Variants in SUPT3H observed in about 807,000 individuals in gnomAD.
SUPT3H encodes the protein transcription initiation protein SPT3 homolog.
A neutral mutation model predicts 44.3 loss-of-function variants in SUPT3H; 44 were observed. The ratio of observed to expected loss-of-function variants is 0.99; its 90% CI spans 0.78 to 1.28. The LOEUF is 1.28. Ranked by LOEUF, SUPT3H falls within the 50% of genes most tolerant of loss-of-function variation. The pLI, the probability that SUPT3H is intolerant of heterozygous loss-of-function variation, is 0.00. For synonymous variants in SUPT3H, 124 were observed against 125.6 expected (o/e 0.99, Z 0.09); for missense variants, 380 against 387.1 (o/e 0.98, Z 0.15).
At chr6:45,292,449 A>AAT (rs1780466072) in intron 2 of SUPT3H, among the ~76,000 whole-genome samples, 1 of 152,154 alleles carries the variant, frequency 6.6e-6, no homozygotes, top group African/African-American at 2.4e-5. Flanking sequence ...GGCAACGAAT[A>AAT]CCATGGTGAA....
chr6:44,824,613 A>C (rs911481767), downstream of SUPT3H, among the ~76,000 whole-genome samples: 23 of 152,190 alleles, frequency 1.5e-4, no homozygotes, highest in Non-Finnish European at 3.4e-4. Context: ...GTTGAATTAA[A>C]GAAGCTGCTG....
chr6:44,872,548 C>T (rs560017600), intron 10 of SUPT3H, among the ~76,000 whole-genome samples: 1 of 152,138 alleles, frequency 6.6e-6, no homozygotes, highest in Non-Finnish European at 1.5e-5. Context: ...AAAATCATGA[C>T]AAAATGTAAA....
intron 10 of SUPT3H, among the ~76,000 whole-genome samples, chr6:44,877,074 T>C (rs1034367589): frequency 6.6e-6 from 1 of 152,206 alleles, no homozygotes; most frequent in Non-Finnish European, 1.5e-5. Context: ...TCTTATCCTA[T>C]GTCAAATAAT....
rs143402132 is a variant in SUPT3H at position 45,042,063 on chromosome 6, A to G, written c.187-21431T>C. ...AAAATACAGATACAGTATGGCATAGAATAAAAAACTTGAATTTAATATTAT... is the reference window on the plus strand; with the variant it reads ...AAAATACAGATACAGTATGGCATAGGATAAAAAACTTGAATTTAATATTAT... On this transcript the variant is annotated intron_variant, in intron 3 of 10. Coordinates refer to ENST00000371459, the MANE Select transcript of SUPT3H (RefSeq NM_003599.4). Among the ~76,000 whole-genome samples, 74 of 152,338 alleles carry G rather than the reference A, an allele frequency of 4.9e-4. No homozygotes were observed. In the East Asian group the frequency reaches 0.013, roughly 26 times the overall value.
chr6:45,374,034 G>A lies in SUPT3H; in HGVS notation c.-1+3734C>T, dbSNP rs552277141. Among the ~76,000 whole-genome samples, 22 of 152,262 alleles carry A rather than the reference G, an allele frequency of 1.4e-4. No homozygotes were observed. In the East Asian group the frequency reaches 2.9e-3, roughly 20 times the overall value. On this transcript the variant is annotated intron_variant, in intron 1 of 10. Transcript: ENST00000371459. ...TATAAAAATGTTTGTAAAGTAAGACGATAATTTTTAAATGTAATTCTCATT... is the reference window on the plus strand; with the variant it reads ...TATAAAAATGTTTGTAAAGTAAGACAATAATTTTTAAATGTAATTCTCATT...
chr6:45,274,505 C>T (rs1263688310), intron 2 of SUPT3H, among the ~76,000 whole-genome samples: 1 of 152,112 alleles, frequency 6.6e-6, no homozygotes, highest in East Asian at 1.9e-4. Flanking sequence ...AGAAGAGGTC[C>T]AAATTATTTC....
chr6:44,900,402 T>C (rs918346058), intron 10 of SUPT3H, among the ~76,000 whole-genome samples: 3 of 152,228 alleles, frequency 2.0e-5, no homozygotes, highest in Non-Finnish European at 4.4e-5. Flanking sequence ...GAGGGTCCTA[T>C]GCCCACGGAG....
At chr6:45,374,330 C>T (rs1796485214) in intron 1 of SUPT3H, among the ~76,000 whole-genome samples, 1 of 152,158 alleles carries the variant, frequency 6.6e-6, no homozygotes, top group African/African-American at 2.4e-5. Flanking sequence ...CTGAACTGCA[C>T]ACAACCCATC....
At chr6:45,154,002 G>A (rs1030549448) in intron 2 of SUPT3H, among the ~76,000 whole-genome samples, 23 of 147,870 alleles carry the variant, frequency 1.6e-4, no homozygotes, top group Admixed American at 4.1e-4. Context: ...CCCGGGAGGC[G>A]GAGGTTCCAG....
chr6:44,878,696 G>C (rs1777703941), intron 10 of SUPT3H, among the ~76,000 whole-genome samples: 1 of 152,104 alleles, frequency 6.6e-6, no homozygotes, highest in South Asian at 2.1e-4. Flanking sequence ...AAGAAGGCGG[G>C]TGATTTCTGC....
chr6:45,252,172 C>CTCA (rs1439282914), intron 2 of SUPT3H, among the ~76,000 whole-genome samples: 1 of 152,060 alleles, frequency 6.6e-6, no homozygotes, highest in African/African-American at 2.4e-5. Context: ...TCATTTAGCT[C>CTCA]TCATCAACAA....
Position 45,158,298 on chromosome 6 carries a change from A to ATATATATATATATATATATAATTTTTTT in SUPT3H, c.102-52293_102-52292insAAAAAAATTATATATATATATATATATA. Among the ~76,000 whole-genome samples the ATATATATATATATATATATAATTTTTTT allele has an allele frequency of 1.4e-3, 136 of 99,672 alleles. 1 individual carries two copies. Among genetic ancestry groups the ATATATATATATATATATATAATTTTTTT allele is most frequent in the Middle Eastern group, 6.2e-3 (1 of 162 alleles). 65.4% of individuals were successfully genotyped at this position (99,672 alleles called of 152,430 possible). A position where few individuals can be genotyped will look rare whatever the true frequency, so the allele number is the denominator to read the frequency against. ...TACATATATATATATATATATATAT[A>ATATATATATATATATATATAATTTTTTT]TTTTTTTTTTTTTTTTTTTGAGATG... On this transcript the variant is annotated intron_variant, in intron 2 of 10. Coordinates refer to ENST00000371459, the MANE Select transcript of SUPT3H (RefSeq NM_003599.4).
intron 3 of SUPT3H, among the ~76,000 whole-genome samples, chr6:45,057,822 G>A (rs1791366146): frequency 6.6e-6 from 1 of 152,130 alleles, no homozygotes; most frequent in African/African-American, 2.4e-5. Context: ...AAGCCACAGT[G>A]TGAGGGGGAA....
At chr6:45,168,907 AG>A (rs1810349518) in intron 2 of SUPT3H, among the ~76,000 whole-genome samples, 2 of 152,238 alleles carry the variant, frequency 1.3e-5, no homozygotes, top group Non-Finnish European at 2.9e-5. Flanking sequence ...AAAATCAGCC[AG>A]GAAGTTGTCA....
intron 11 of SUPT3H, among the ~76,000 whole-genome samples, chr6:44,810,387 T>C (rs955703555): frequency 3.9e-5 from 6 of 152,170 alleles, no homozygotes; most frequent in African/African-American, 1.4e-4. Flanking sequence ...ATTTCTTTCT[T>C]ACTTTAATAT....
chr6:45,050,445 G>C (rs1366838985), intron 3 of SUPT3H, among the ~76,000 whole-genome samples: 1 of 111,678 alleles, frequency 9.0e-6, no homozygotes, highest in African/African-American at 3.4e-5. Flanking sequence ...GCATTGAAAG[G>C]CAAAGAAAAA....
intron 3 of SUPT3H, among the ~76,000 whole-genome samples, chr6:45,037,958 A>AT (rs749491043): frequency 2.5e-4 from 38 of 152,128 alleles, no homozygotes; most frequent in Non-Finnish European, 5.1e-4. Context: ...CTTTTAAACT[A>AT]TCTCTTCAAG....
chr6:44,905,943 CAT>C (rs1391145234), intron 10 of SUPT3H, among the ~76,000 whole-genome samples: 1 of 152,046 alleles, frequency 6.6e-6, no homozygotes, highest in Non-Finnish European at 1.5e-5. Flanking sequence ...CCAAACACCA[CAT>C]GTTCTCACTC....
chr6:45,134,288 A>C (rs1285007), intron 2 of SUPT3H, among the ~76,000 whole-genome samples: 130,126 of 152,124 alleles, frequency 0.86, 55,956 homozygotes, highest in African/African-American at 0.91. Flanking sequence ...CCATTCAGGG[A>C]GACAAAGCCC....
Sources: allele counts gnomAD v4.1 joint callset (sites outside exome capture counted in the v4.1 genomes callset), GRCh38; gene constraint gnomAD v4.1.1; transcripts MANE v1.5; gene names NCBI Gene and HGNC (gene_info 2026-07-23, HGNC 2026-07-21).